Variants in GP6 observed in about 807,000 individuals in gnomAD.
GP6 encodes glycoprotein VI platelet.
In GP6, 45 loss-of-function variants were observed where a neutral mutation model predicts 37.3. The observed-to-expected ratio is 1.21, with a 90% CI of 0.95 to 1.55. The LOEUF (loss-of-function observed/expected upper bound fraction) is 1.55. Ranked by LOEUF, GP6 falls within the 40% of genes most tolerant of loss-of-function variation. The pLI is 0.00. For synonymous variants in GP6, 340 were observed against 316.4 expected, an observed-to-expected ratio of 1.07 and a Z score of -0.79; for missense variants, 813 against 760.2, an observed-to-expected ratio of 1.07 and a Z score of -0.82.
intron 5 of GP6, among the ~76,000 whole-genome samples, chr19:55,019,686 T>TC (rs2074006479): frequency 6.7e-6 from 1 of 149,010 alleles, no homozygotes; most frequent in Admixed American, 6.7e-5. Flanking sequence ...TTCTTTTTTT[T>TC]TTTTTTTTTG....
rs202067652 is a variant in GP6 at position 55,024,276 on chromosome 19, GCACA to G, written c.664+938_664+941del. ...AGCACACGCACACATATGCACGCAT[GCACA>G]CACACACATATGCACGCATGCACAC... On this transcript the variant is annotated intron_variant, in intron 5 of 7. Transcript: ENST00000310373. Among the ~76,000 whole-genome samples the G allele has an allele frequency of 4.7e-3, 127 of 27,304 alleles. 3 individuals carry two copies. Among genetic ancestry groups the G allele is most frequent in the African/African-American group, 9.1e-3 (120 of 13,150 alleles). The allele number at this position is 27,304 out of a possible 152,430, so 17.9% of individuals were successfully genotyped here. A position where few individuals can be genotyped will look rare whatever the true frequency, so the allele number is the denominator to read the frequency against.
At chr19:55,018,153 TATC>T (rs1423391759) in intron 6 of GP6, among the ~76,000 whole-genome samples, 5 of 152,138 alleles carry the variant, frequency 3.3e-5, no homozygotes, top group South Asian at 2.1e-4. Flanking sequence ...TCTAACCTAT[TATC>T]AGGGAATCTG....
In GP6 at chr19:55,014,725, A is replaced by G. The variant is rs1203805638; in HGVS notation, c.1220T>C (p.Leu407Pro). ...TCCATCCCAAATGGAGGGTGCCCTC[A>G]GACAGAGAGGCAGACAGACAGACAG... Residue 407 changes from leucine (L) to proline (P), a missense_variant, in exon 8 of 8, where the codon CTG (leucine) becomes CCG (proline). Physicochemically the swap from Leu to Pro is moderately conservative, Grantham distance 98. Transcript: ENST00000310373. 4 of 1,613,372 alleles carry G rather than the reference A, an allele frequency of 2.5e-6. No individual in the cohort carries two copies. Among genetic ancestry groups the G allele is most frequent in the Non-Finnish European group, 3.4e-6 (4 of 1,179,946 alleles).
rs778801507 is a variant in GP6, at chr19:55,014,419, G to A, written c.1526C>T (p.Thr509Met). ...CATACCCAAACTGCCTGCAAGACCC[G>A]TTCTGAGAGACGAAAGGAGATTTGT... Residue 509 changes from threonine to methionine, a missense_variant, in exon 8 of 8, where the codon ACG becomes ATG. Transcript: ENST00000310373. The A allele has an allele frequency of 2.4e-5, 39 of 1,613,412 alleles. No individual in the cohort carries two copies. The highest frequency in any genetic ancestry group is 3.3e-5 in the South Asian group (3 of 91,074).
chr19:55,030,951 C>T (rs529554191), intron 3 of GP6, among the ~76,000 whole-genome samples: 36 of 152,198 alleles, frequency 2.4e-4, no homozygotes, highest in African/African-American at 8.2e-4. Context: ...CTGGCTCAAG[C>T]GATCCTCCTG....
At chr19:55,033,854 A>G (rs933697630) in intron 1 of GP6, among the ~76,000 whole-genome samples, 5 of 152,196 alleles carry the variant, frequency 3.3e-5, no homozygotes, top group African/African-American at 7.2e-5. Flanking sequence ...TGTGCTGGCC[A>G]TGGGTTTCCC....
intron 6 of GP6, among the ~76,000 whole-genome samples, chr19:55,017,696 G>C (rs927131410): frequency 2.6e-5 from 4 of 152,094 alleles, no homozygotes; most frequent in African/African-American, 9.7e-5. Context: ...TCACAGAATA[G>C]CAAGCTGAGG....
At chr19:55,032,628 T>G in intron 1 of GP6, 90 bp from the exon 2 acceptor site, 7 of 1,229,584 alleles carry the variant, frequency 5.7e-6, no homozygotes, top group Non-Finnish European at 8.3e-6. Context: ...TTTGCATGCA[T>G]ATGCTTTACT....
intron 7 of GP6, 146 bp from the exon 8 acceptor site, chr19:55,015,311 G>A (rs2073831913): frequency 2.3e-6 from 3 of 1,319,244 alleles, no homozygotes; most frequent in South Asian, 2.5e-5. Context: ...CTCCCTTCCC[G>A]AGTAGGGGTC....
intron 4 of GP6, among the ~76,000 whole-genome samples, chr19:55,026,725 A>C (rs2074317269): frequency 6.6e-6 from 1 of 152,094 alleles, no homozygotes; most frequent in East Asian, 1.9e-4. Flanking sequence ...GTCTCTACTA[A>C]AAATACAAAA....
Position 55,025,262 on chromosome 19 carries a change from A to C in GP6, c.620T>G (p.Val207Gly). The C allele has an allele frequency of 6.5e-7, 1 of 1,546,490 alleles. No homozygotes were observed. Among genetic ancestry groups the C allele is most frequent in the Non-Finnish European group, 8.8e-7 (1 of 1,142,112 alleles). ...TTCTGTTGGTAACCGGCTGGGGGTC[A>C]CAGAGGTTCCTGGGAAATCAGAAAA... The change falls in exon 5 of 8, where the codon GTG becomes GGG. Residue 207 changes from valine (V) to glycine (G), a missense_variant. Val to Gly is a moderately radical substitution (Grantham distance 109, BLOSUM62 -3). Transcript: ENST00000310373.
intron 1 of GP6, among the ~76,000 whole-genome samples, chr19:55,035,153 G>GT (rs1320882492): frequency 1.3e-5 from 2 of 152,192 alleles, no homozygotes; most frequent in African/African-American, 2.4e-5. Flanking sequence ...TAGTGAGACA[G>GT]TATCTTATCC....
rs775341524 is a variant in GP6 at position 55,032,379 on chromosome 19, A to C, written c.85T>G (p.Ser29Ala). ...AGGGAGCTGGGCAGAGCCTGGAGGG[A>C]GGGCTTGGGGAGCGGTCCTGGAAGA... The change falls in exon 3 of 8, where the codon TCC becomes GCC. Residue 29 changes from serine to alanine, a missense_variant. By Grantham distance (99) the Ser-to-Ala change is moderately conservative. Transcript: ENST00000310373. 1.3e-5 allele frequency: 21 copies of C among 1,613,112 alleles called. No individual in the cohort carries two copies. The highest frequency in any genetic ancestry group is 1.3e-5 in the African/African-American group (1 of 74,878).
chr19:55,017,274 G>A (rs756139877), intron 6 of GP6, among the ~76,000 whole-genome samples: 3 of 151,878 alleles, frequency 2.0e-5, no homozygotes, highest in South Asian at 2.1e-4. Context: ...CCACCACCAC[G>A]CCCGGCTAAT....
At chr19:55,021,524 T>TG (rs2074084347) in intron 5 of GP6, among the ~76,000 whole-genome samples, 1 of 144,040 alleles carries the variant, frequency 6.9e-6, no homozygotes, top group Admixed American at 6.9e-5. Context: ...TTGTTGGTTT[T>TG]TTTTTTTTTT....
In GP6 at chr19:55,027,825, G is replaced by A. The variant is rs79133006; in HGVS notation, c.363C>T (p.Gly121=). The A allele has an allele frequency of 4.3e-6, 7 of 1,614,074 alleles. No individual in the cohort carries two copies. Among genetic ancestry groups the A allele is most frequent in the Middle Eastern group, 1.6e-4 (1 of 6,084 alleles). Reference sequence around the variant, plus strand: ...CGTCCCCTCCTGACGACACCGCCGGGCCGGGCTGGGCTGAGAGCGAGGGTT... The same window carrying A: ...CGTCCCCTCCTGACGACACCGCCGGACCGGGCTGGGCTGAGAGCGAGGGTT... The change falls in exon 4 of 8, where the codon GGC becomes GGT. Residue 121 remains glycine, a synonymous_variant. Transcript: ENST00000310373.
At chr19:55,037,793 G>A (rs899595372) in intron 1 of GP6, among the ~76,000 whole-genome samples, 6 of 149,456 alleles carry the variant, frequency 4.0e-5, no homozygotes, top group South Asian at 2.1e-4. Flanking sequence ...CATCACGCCC[G>A]GCTAATTTTT....
intron 6 of GP6, 35 bp downstream of exon 6, chr19:55,018,617 C>T (rs371109398): frequency 1.8e-5 from 22 of 1,219,530 alleles, no homozygotes; most frequent in Non-Finnish European, 2.2e-5. Flanking sequence ...TCCTCACACT[C>T]CTTTCTGCTG....
Position 55,025,158 on chromosome 19 carries a change from G to C in GP6, c.664+60C>G, listed in dbSNP as rs76566849. ...TCGAGAAGTCTAGGCAGAGAGGAGA[G>C]AGAGAAGGGGTCCGTGTACCTCATA... is the stretch of plus-strand genomic sequence containing the variant. On this transcript the variant is annotated intron_variant, in intron 5 of 7. Coordinates refer to ENST00000310373, the MANE Select transcript of GP6 (RefSeq NM_001083899.2). The C allele has an allele frequency of 2.1e-3, 1,753 of 852,226 alleles. 20 individuals are homozygous for C. The African/African-American group carries it at 0.026, about 13-fold the overall frequency. The allele number at this position is 852,226 out of a possible 1,614,324, so 52.8% of individuals were successfully genotyped here.
Sources: gnomAD v4.1 joint callset for allele counts (sites outside exome capture counted in the v4.1 genomes callset) on GRCh38, gnomAD v4.1.1 for gene constraint, MANE v1.5 for transcripts, NCBI Gene and HGNC (gene_info 2026-07-23, HGNC 2026-07-21) for gene names.